CENPI: variants seen among roughly 807,000 people sequenced by gnomAD.
CENPI encodes the protein FSH primary response 1.
A neutral mutation model predicts 60.4 loss-of-function variants in CENPI; 4 were observed. The ratio of observed to expected loss-of-function variants is 0.07; its 90% confidence interval spans 0.03 to 0.15. The LOEUF is 0.15. CENPI is among the 10% of genes least tolerant of loss of function. The probability of loss-of-function intolerance (pLI) is 1.00; values close to 1 mark genes in which losing one functional copy is unlikely to be tolerated. For synonymous variants in CENPI, 157 were observed against 189.4 expected (o/e 0.83, Z 1.40); for missense variants, 444 against 534.5 (o/e 0.83, Z 1.67).
intron 16 of CENPI, among the ~76,000 whole-genome samples, chrX:101,143,544 G>A (rs1458070806): frequency 1.8e-5 from 2 of 112,295 alleles, no homozygotes; most frequent in Non-Finnish European, 3.8e-5. Flanking sequence ...TATATATTTT[G>A]AGATGGAGTC....
At position 101,163,289 on chromosome X, in the gene CENPI, G is replaced by A. The variant is rs2090126778; in HGVS notation, c.*322G>A. ...TTTGGGTACTATGAGCTGCATTGATGGAAGACAGCAGGCAATATGTGGTGA... is the reference window on the plus strand; with the variant it reads ...TTTGGGTACTATGAGCTGCATTGATAGAAGACAGCAGGCAATATGTGGTGA... On this transcript the variant is annotated 3_prime_UTR_variant, in exon 22 of 22. Coordinates refer to ENST00000682095, the MANE Select transcript of CENPI (RefSeq NM_001386188.2). 2 of 190,128 alleles carry A rather than the reference G, an allele frequency of 1.1e-5. No homozygotes were observed. The highest frequency in any genetic ancestry group is 1.9e-5 in the Non-Finnish European group (2 of 106,124). 15.7% of individuals were successfully genotyped at this position (190,128 alleles called of 1,213,427 possible).
intron 20 of CENPI, among the ~76,000 whole-genome samples, chrX:101,156,161 C>T (rs1372437168): frequency 4.5e-5 from 5 of 110,628 alleles, no homozygotes; most frequent in Non-Finnish European, 7.6e-5. Context: ...TACAGGCACC[C>T]GCCACCACAC....
At chrX:101,172,509 A>G in the CENPI span, among the ~76,000 whole-genome samples, 3 of 111,601 alleles carry the variant, frequency 2.7e-5, no homozygotes, top group African/African-American at 9.7e-5. Context: ...CAAAGACACT[A>G]TGCTATATGA....
At chrX:101,129,944 G>A (rs777305660) in intron 12 of CENPI, 38 bp from the exon 13 acceptor site, 1 of 943,475 alleles carries the variant, frequency 1.1e-6, no homozygotes, top group African/African-American at 1.9e-5. Flanking sequence ...TTTTATTGTG[G>A]TACAACTAGA....
rs111741275 is a variant in CENPI, at chrX:101,100,582, G to A, written c.-13-476G>A. The A allele has an allele frequency of 5.9e-3, 668 of 112,736 alleles. 5 individuals are homozygous for A. The highest frequency in any genetic ancestry group is 0.021 in the African/African-American group (645 of 30,634). 9.3% of individuals were successfully genotyped at this position (112,736 alleles called of 1,213,427 possible). Reference sequence around the variant, plus strand: ...AGGTGTGTGCCACCATGCCCAACTAGTTTTTGTATTTTTTAGCAGAGACGG... The same window carrying A: ...AGGTGTGTGCCACCATGCCCAACTAATTTTTGTATTTTTTAGCAGAGACGG... On this transcript the variant is annotated intron_variant, in intron 2 of 21. Transcript: ENST00000682095.
At chrX:101,133,317 ATTT>A (rs750307029) in intron 15 of CENPI, among the ~76,000 whole-genome samples, 34 of 76,975 alleles carry the variant, frequency 4.4e-4, no homozygotes, top group Admixed American at 9.0e-4. Flanking sequence ...TTCAGTTTGA[ATTT>A]TTTTTTTTTT....
intron 20 of CENPI, among the ~76,000 whole-genome samples, chrX:101,153,299 C>CT (rs763357036): frequency 0.17 from 17,256 of 98,724 alleles, 1,343 homozygotes; most frequent in Middle Eastern, 0.22. Context: ...ATTTCTTGTT[C>CT]TTTTTTTTTT....
rs1378131346 is a variant in CENPI at position 101,149,507 on chromosome X, C to CTTT, written c.2094+1361_2094+1363dup. On this transcript the variant is annotated intron_variant, in intron 20 of 21. Transcript: ENST00000682095. The stretch of plus-strand genomic sequence containing the variant: ...AGCAGAATTGTCAGTGGTGCTTCTT[C>CTTT]TTTTTTTTTTTTTTTTTGAGATAGA... 6.2e-3 allele frequency among the ~76,000 whole-genome samples: 581 copies of CTTT among 93,002 alleles called. 7 individuals are homozygous for CTTT. The highest frequency in any genetic ancestry group is 0.022 in the African/African-American group (557 of 25,703). 80.8% of individuals were successfully genotyped at this position (93,002 alleles called of 115,157 possible).
rs376064359 is a variant in CENPI, at chrX:101,144,302, C to T, written c.1566-762C>T. Among the ~76,000 whole-genome samples the T allele has an allele frequency of 1.0e-4, 11 of 107,876 alleles. No homozygotes were observed. In the East Asian group the frequency reaches 2.9e-3, roughly 29 times the overall value. 93.7% of individuals were successfully genotyped at this position (107,876 alleles called of 115,157 possible). On this transcript the variant is annotated intron_variant, in intron 16 of 21. Coordinates refer to ENST00000682095, the MANE Select transcript of CENPI (RefSeq NM_001386188.2). ...TTCACCATGTTGGCCAGGCTGGTCT[C>T]GAACTCCTGACCTCAAGTGATCCGA...
intron 6 of CENPI, among the ~76,000 whole-genome samples, chrX:101,118,819 A>G (rs1327245683): frequency 9.1e-6 from 1 of 109,351 alleles, no homozygotes; most frequent in Non-Finnish European, 1.9e-5. Flanking sequence ...CACATTTTTT[A>G]TACTGAAAAT....
chrX:101,138,136 C>T (rs191446734), intron 15 of CENPI, among the ~76,000 whole-genome samples: 5 of 93,986 alleles, frequency 5.3e-5, no homozygotes, highest in Admixed American at 3.7e-4. Flanking sequence ...TACAGGTGCC[C>T]GCCACCATGC....
chrX:101,165,613 C>T lies in CENPI; in HGVS notation c.*2646C>T, dbSNP rs1225608739. 9.0e-6 allele frequency among the ~76,000 whole-genome samples: 1 copy of T among 111,274 alleles called. No individual in the cohort carries two copies. The highest frequency in any genetic ancestry group is 1.9e-5 in the Non-Finnish European group (1 of 53,024). On this transcript the variant is annotated 3_prime_UTR_variant, in exon 22 of 22. Coordinates refer to ENST00000682095, the MANE Select transcript of CENPI (RefSeq NM_001386188.2). ...AATTTGGGAGTCATTAGGGAATAAC[C>T]ATGACTTTGGATGAGATCACCTAGT...
intron 8 of CENPI, among the ~76,000 whole-genome samples, chrX:101,126,117 T>A (rs1005533619): frequency 8.9e-6 from 1 of 112,485 alleles, no homozygotes; most frequent in Admixed American, 9.5e-5. Flanking sequence ...AACAATTTGG[T>A]TACTTCCTTA....
chrX:101,160,675 A>T (rs1374820489), intron 20 of CENPI, among the ~76,000 whole-genome samples: 1 of 111,209 alleles, frequency 9.0e-6, no homozygotes, highest in East Asian at 2.8e-4. Context: ...GATGTGAGCC[A>T]CCATGCCCAG....
At chrX:101,137,162 C>T (rs1221931641) in intron 15 of CENPI, among the ~76,000 whole-genome samples, 1 of 112,207 alleles carries the variant, frequency 8.9e-6, no homozygotes. Context: ...ATCCTTTCAC[C>T]TCAGCCTCCC....
At chrX:101,166,257 G>A (rs1164103958), downstream of CENPI, among the ~76,000 whole-genome samples, 1 of 111,973 alleles carries the variant, frequency 8.9e-6, no homozygotes, top group African/African-American at 3.2e-5. Flanking sequence ...CCGGATTCAA[G>A]CGATTCTCCT....
At chrX:101,124,294 T>C (rs2089711769) in intron 8 of CENPI, among the ~76,000 whole-genome samples, 1 of 110,975 alleles carries the variant, frequency 9.0e-6, no homozygotes, top group South Asian at 3.9e-4. Context: ...AGAACTGCTG[T>C]TGCAAATAAA....
chrX:101,159,780 C>T (rs1377507724), intron 20 of CENPI, among the ~76,000 whole-genome samples: 5 of 112,004 alleles, frequency 4.5e-5, no homozygotes, highest in African/African-American at 1.6e-4. Flanking sequence ...GGTTTTTTGA[C>T]TTGAGCAGTT....
In CENPI at chrX:101,128,631, A is replaced by C. The variant is rs1602802304; in HGVS notation, c.1075-85A>C. On this transcript the variant is annotated intron_variant, in intron 11 of 21. Transcript: ENST00000682095. ...AGGCATGAGCCACCATGCCCAGCCT[A>C]TTTTTGTTATATATTTTCTATATGA... is the stretch of plus-strand genomic sequence containing the variant. The C allele has an allele frequency of 1.4e-5, 14 of 1,020,556 alleles. No homozygotes were observed. In the East Asian group the frequency reaches 4.4e-4, roughly 32 times the overall value. 84.1% of individuals were successfully genotyped at this position (1,020,556 alleles called of 1,213,427 possible).
Sources: allele counts gnomAD v4.1 joint callset (sites outside exome capture counted in the v4.1 genomes callset), GRCh38; gene constraint gnomAD v4.1.1; transcripts MANE v1.5; gene names NCBI Gene and HGNC (gene_info 2026-07-23, HGNC 2026-07-21).